Variants in ACTR3C observed in about 807,000 individuals in gnomAD.
ACTR3C encodes the protein actin-related protein 3C.
A neutral mutation model predicts 26.3 loss-of-function variants in ACTR3C; 18 were observed. The ratio of observed to expected loss-of-function variants is 0.68; its 90% confidence interval spans 0.47 to 1.01. The LOEUF is 1.01. Ranked by LOEUF, ACTR3C falls within the 50% of genes least tolerant of loss-of-function variation. The pLI is 0.00. For synonymous variants in ACTR3C, 55 were observed against 94.5 expected, an observed-to-expected ratio of 0.58 and a Z score of 2.42; for missense variants, 184 against 250.7, an observed-to-expected ratio of 0.73 and a Z score of 1.80.
the ACTR3C span, among the ~76,000 whole-genome samples, chr7:150,221,409 G>A: frequency 6.6e-6 from 1 of 152,204 alleles, no homozygotes; most frequent in South Asian, 2.1e-4. Flanking sequence ...TCAAAAAAGA[G>A]CAGCTGCTTC....
intron 6 of ACTR3C, among the ~76,000 whole-genome samples, chr7:150,276,125 G>A (rs12112222): frequency 0.22 from 33,437 of 151,724 alleles, 5,826 homozygotes; most frequent in African/African-American, 0.48. Flanking sequence ...AACGCCACAC[G>A]TAACCCATTC....
chr7:150,243,541 T>C (rs1832300860), downstream of ACTR3C, among the ~76,000 whole-genome samples: 1 of 152,054 alleles, frequency 6.6e-6, no homozygotes, highest in African/African-American at 2.4e-5. Context: ...TTTGTGTATA[T>C]ACCATTGTCC....
the ACTR3C span, among the ~76,000 whole-genome samples, chr7:150,202,743 T>C: frequency 4.6e-5 from 7 of 152,200 alleles, no homozygotes; most frequent in African/African-American, 1.7e-4. Context: ...AATAGAACAT[T>C]GGTATTGGCT....
chr7:150,281,235 C>T (rs1315076283), intron 6 of ACTR3C, among the ~76,000 whole-genome samples: 2 of 151,994 alleles, frequency 1.3e-5, no homozygotes, highest in East Asian at 3.9e-4. Flanking sequence ...CGCGGCCGTC[C>T]AGAGAAAGGT....
the ACTR3C span, among the ~76,000 whole-genome samples, chr7:150,210,143 G>A: frequency 6.6e-6 from 1 of 151,780 alleles, no homozygotes. Flanking sequence ...ATCAGCCATT[G>A]CAAAATACAA....
At chr7:150,129,263 G>A in the ACTR3C span, among the ~76,000 whole-genome samples, 12 of 152,102 alleles carry the variant, frequency 7.9e-5, no homozygotes, top group South Asian at 4.2e-4. Context: ...TGATATCTAC[G>A]AGAAACCAAC....
At chr7:150,177,094 C>T in the ACTR3C span, among the ~76,000 whole-genome samples, 8 of 146,578 alleles carry the variant, frequency 5.5e-5, no homozygotes, top group South Asian at 2.1e-4. Context: ...AAAGCACACC[C>T]GGACTTTTAA....
At chr7:149,942,874 C>T in the ACTR3C span, among the ~76,000 whole-genome samples, 1 of 151,506 alleles carries the variant, frequency 6.6e-6, no homozygotes, top group Non-Finnish European at 1.5e-5. Flanking sequence ...ATTTCCCTGT[C>T]ACCTCCTGGC....
chr7:150,010,894 C>T, the ACTR3C span, among the ~76,000 whole-genome samples: 6 of 147,316 alleles, frequency 4.1e-5, no homozygotes, highest in Non-Finnish European at 7.5e-5. Flanking sequence ...GGGCTCACCA[C>T]AGTGCCCTTC....
chr7:149,963,305 A>AT, the ACTR3C span, among the ~76,000 whole-genome samples: 9 of 152,108 alleles, frequency 5.9e-5, no homozygotes, highest in African/African-American at 2.2e-4. Flanking sequence ...CCACCCTGAC[A>AT]TTTTTCCTGT....
intron 6 of ACTR3C, among the ~76,000 whole-genome samples, chr7:150,252,089 A>C (rs1563146551): frequency 6.6e-6 from 1 of 151,762 alleles, no homozygotes; most frequent in Non-Finnish European, 1.5e-5. Flanking sequence ...TTTGGTTTAA[A>C]ATTTTAATCC....
At chr7:150,036,154 G>A in the ACTR3C span, among the ~76,000 whole-genome samples, 1 of 136,524 alleles carries the variant, frequency 7.3e-6, no homozygotes. Flanking sequence ...GCCTCGTGGG[G>A]GGTGCCTCCC....
In ACTR3C at chr7:150,320,003, C is replaced by T. The variant is rs575201228; in HGVS notation, c.-52+3466G>A. ...TTCCGTTCTTCCTCTGCCAATCCAT[C>T]CCTGACTGGTCTTTTGCCCTCTTTT... is the stretch of plus-strand genomic sequence containing the variant. On this transcript the variant is annotated intron_variant, in intron 1 of 7. Coordinates refer to ENST00000683684, the MANE Select transcript of ACTR3C (RefSeq NM_001164458.2). 3.9e-5 allele frequency among the ~76,000 whole-genome samples: 6 copies of T among 152,340 alleles called. No individual in the cohort carries two copies. The South Asian group carries it at 1.2e-3, about 32-fold the overall frequency.
At chr7:150,017,838 A>T in the ACTR3C span, among the ~76,000 whole-genome samples, 1 of 150,236 alleles carries the variant, frequency 6.7e-6, no homozygotes, top group Non-Finnish European at 1.5e-5. Context: ...TCGTTTGACC[A>T]TTCTTGGGTT....
intron 1 of ACTR3C, among the ~76,000 whole-genome samples, chr7:150,319,295 C>T (rs1431361472): frequency 6.6e-6 from 1 of 151,992 alleles, no homozygotes; most frequent in Non-Finnish European, 1.5e-5. Context: ...ACAAGCTCCG[C>T]CTCTCAGGTT....
At chr7:150,191,603 T>C in the ACTR3C span, among the ~76,000 whole-genome samples, 1 of 152,206 alleles carries the variant, frequency 6.6e-6, no homozygotes, top group East Asian at 1.9e-4. Flanking sequence ...TTCTAGAACA[T>C]GTTTTGTGGA....
chr7:150,075,374 AT>A, the ACTR3C span, among the ~76,000 whole-genome samples: 1 of 134,118 alleles, frequency 7.5e-6, no homozygotes, highest in South Asian at 2.8e-4. Flanking sequence ...CCTCTTTCCA[AT>A]TCAACATACA....
At chr7:150,323,242 G>C (rs1323675626) in intron 1 of ACTR3C, 2 of 240,246 alleles carry the variant, frequency 8.3e-6, no homozygotes, top group South Asian at 7.9e-5. Flanking sequence ...TGCGAGGCGG[G>C]GGGTGCGCGC....
At chr7:149,948,646 G>A in the ACTR3C span, among the ~76,000 whole-genome samples, 3 of 151,534 alleles carry the variant, frequency 2.0e-5, no homozygotes, top group Non-Finnish European at 4.4e-5. Flanking sequence ...AGTTGCTGGT[G>A]TCAGGTGTGA....
Sources: gnomAD v4.1 joint callset for allele counts (sites outside exome capture counted in the v4.1 genomes callset) on GRCh38, gnomAD v4.1.1 for gene constraint, MANE v1.5 for transcripts, NCBI Gene and HGNC (gene_info 2026-07-23, HGNC 2026-07-21) for gene names.